EYS: variants seen among roughly 807,000 people sequenced by gnomAD.
EYS encodes the protein EGF-like photoreceptor maintenance factor.
Under a neutral mutation model 282.1 loss-of-function variants are expected in EYS, and 250 were observed. That is an observed-to-expected ratio of 0.89 (90% CI 0.80 to 0.98). The LOEUF is 0.98. EYS is among the 50% of genes least tolerant of loss of function. The probability of loss-of-function intolerance (pLI) is 0.00; values close to 1 mark genes in which losing one functional copy is unlikely to be tolerated. For missense variants in EYS, 4,016 were observed against 3,709.0 expected (o/e 1.08, Z -2.15); for synonymous variants, 1,355 against 1,282.9 (o/e 1.06, Z -1.20).
chr6:63,808,645 T>A (rs1158822500), intron 36 of EYS, among the ~76,000 whole-genome samples: 1 of 152,202 alleles, frequency 6.6e-6, no homozygotes, highest in Non-Finnish European at 1.5e-5. Context: ...TGCAATTTCA[T>A]GATATAATTT....
chr6:64,163,732 T>A (rs944126003), intron 31 of EYS, among the ~76,000 whole-genome samples: 1 of 152,084 alleles, frequency 6.6e-6, no homozygotes, highest in Non-Finnish European at 1.5e-5. Context: ...TTTAAAAAAA[T>A]TTAATCTGGC....
At chr6:64,098,725 C>T (rs1052878611) in intron 31 of EYS, among the ~76,000 whole-genome samples, 2 of 151,874 alleles carry the variant, frequency 1.3e-5, no homozygotes, top group South Asian at 2.1e-4. Flanking sequence ...CTCAGCCTCC[C>T]GGGTAGCTGG....
At chr6:65,024,359 T>G (rs1772334340) in intron 13 of EYS, among the ~76,000 whole-genome samples, 2 of 152,166 alleles carry the variant, frequency 1.3e-5, no homozygotes, top group South Asian at 4.1e-4. Flanking sequence ...CATTGTATCC[T>G]CACAGAAAAA....
intron 9 of EYS, among the ~76,000 whole-genome samples, chr6:65,346,564 G>T (rs1455724862): frequency 2.0e-5 from 3 of 151,466 alleles, no homozygotes; most frequent in Non-Finnish European, 4.4e-5. Flanking sequence ...AATATGAAAA[G>T]AAATAGGAAA....
intron 22 of EYS, among the ~76,000 whole-genome samples, chr6:64,759,813 G>C (rs1361086190): frequency 1.3e-5 from 2 of 151,990 alleles, no homozygotes; most frequent in African/African-American, 4.8e-5. Flanking sequence ...AAAACTAACA[G>C]TTCACTTTAT....
chr6:64,437,737 C>G (rs1023057214), intron 27 of EYS, among the ~76,000 whole-genome samples: 1 of 136,404 alleles, frequency 7.3e-6, no homozygotes, highest in Non-Finnish European at 1.6e-5. Flanking sequence ...TGAAGGCTAG[C>G]TTTTTTTTCC....
At chr6:65,045,118 T>C (rs1248483516) in intron 13 of EYS, among the ~76,000 whole-genome samples, 2 of 151,900 alleles carry the variant, frequency 1.3e-5, no homozygotes, top group Non-Finnish European at 2.9e-5. Flanking sequence ...AATTGTCATC[T>C]GAAGAATGGT....
intron 12 of EYS, among the ~76,000 whole-genome samples, chr6:65,113,763 C>T (rs1053493997): frequency 6.6e-6 from 1 of 151,880 alleles, no homozygotes; most frequent in African/African-American, 2.4e-5. Context: ...TCACTTTTTC[C>T]TATGACTAAT....
At chr6:64,337,621 T>G (rs2150394465) in intron 29 of EYS, among the ~76,000 whole-genome samples, 1 of 152,150 alleles carries the variant, frequency 6.6e-6, no homozygotes, top group East Asian at 1.9e-4. Context: ...CCTCCCTAAT[T>G]CATTCCATGA....
chr6:63,816,094 A>G (rs947054325), intron 36 of EYS, among the ~76,000 whole-genome samples: 1 of 152,226 alleles, frequency 6.6e-6, no homozygotes, highest in Non-Finnish European at 1.5e-5. Flanking sequence ...TTTCAAAAGC[A>G]TATAAAAAGA....
At chr6:63,956,836 T>C (rs1402298651) in intron 35 of EYS, among the ~76,000 whole-genome samples, 1 of 152,208 alleles carries the variant, frequency 6.6e-6, no homozygotes, top group Non-Finnish European at 1.5e-5. Context: ...TTCCCGCCCC[T>C]GGATAGTGTG....
chr6:65,436,021 A>C (rs538851209), intron 5 of EYS, among the ~76,000 whole-genome samples: 2 of 152,296 alleles, frequency 1.3e-5, no homozygotes, highest in South Asian at 4.1e-4. Context: ...CATCCAGTAC[A>C]TGGCCCTTTT....
chr6:65,636,836 C>T (rs1278857266), intron 2 of EYS, among the ~76,000 whole-genome samples: 1 of 152,078 alleles, frequency 6.6e-6, no homozygotes, highest in Non-Finnish European at 1.5e-5. Context: ...GAGGCAGGAT[C>T]TCAATTCTGT....
chr6:64,832,029 G>C (rs921109436), intron 19 of EYS, among the ~76,000 whole-genome samples: 6 of 151,742 alleles, frequency 4.0e-5, no homozygotes, highest in Non-Finnish European at 8.8e-5. Flanking sequence ...AGGCATATGA[G>C]GATTGATTAA....
chr6:64,740,757 AG>A (rs1772342613), intron 22 of EYS, among the ~76,000 whole-genome samples: 2 of 146,302 alleles, frequency 1.4e-5, no homozygotes, highest in Non-Finnish European at 3.0e-5. Context: ...TCTGTCACCC[AG>A]GCTGGAGTGC....
chr6:64,069,945 T>C (rs1389352631), intron 32 of EYS, among the ~76,000 whole-genome samples: 1 of 152,154 alleles, frequency 6.6e-6, no homozygotes, highest in African/African-American at 2.4e-5. Context: ...AAGAGAATTA[T>C]TCTATACTTT....
Position 64,591,241 on chromosome 6 carries a change from T to C in EYS, c.4626A>G (p.Lys1542=). Reference sequence around the variant, plus strand: ...CTCTTAAAGAATCAGCAGCCTGTGATTTGATGTTTGTGAGTCTCTGGTTGC... The same window carrying C: ...CTCTTAAAGAATCAGCAGCCTGTGACTTGATGTTTGTGAGTCTCTGGTTGC... The part of the protein sequence containing the change: ...ASSNQRLTNI[K]SQAADSLREL... The change falls in exon 26 of 43, where the codon AAA becomes AAG. Residue 1542 remains lysine (K), a synonymous_variant. Transcript: ENST00000503581. 6.4e-7 allele frequency: 1 copy of C among 1,551,382 alleles called. No homozygotes were observed. Among genetic ancestry groups the C allele is most frequent in the African/African-American group, 1.4e-5 (1 of 73,134 alleles).
intron 31 of EYS, among the ~76,000 whole-genome samples, chr6:64,154,590 T>C (rs1291802880): frequency 6.6e-6 from 1 of 152,142 alleles, no homozygotes; most frequent in Non-Finnish European, 1.5e-5. Context: ...TTATCTCCTA[T>C]GCTTTGTTTA....
At chr6:65,002,160 C>A (rs1771486887) in intron 13 of EYS, among the ~76,000 whole-genome samples, 1 of 147,144 alleles carries the variant, frequency 6.8e-6, no homozygotes, top group South Asian at 2.2e-4. Flanking sequence ...AAATCTCTAA[C>A]TTCTCTCTCA....
Sources: gnomAD v4.1 joint callset for allele counts (sites outside exome capture counted in the v4.1 genomes callset) on GRCh38, gnomAD v4.1.1 for gene constraint, MANE v1.5 for transcripts, NCBI Gene and HGNC (gene_info 2026-07-23, HGNC 2026-07-21) for gene names.